The following CASZ1 variants were observed in gnomAD, a reference collection of about 807,000 sequenced individuals.
CASZ1 encodes zinc finger protein castor homolog 1.
Under a neutral mutation model 135.2 loss-of-function variants are expected in CASZ1, and 28 were observed. That is an observed-to-expected ratio of 0.21 (90% confidence interval 0.15 to 0.28). The LOEUF is 0.28. Ranked by LOEUF, CASZ1 falls within the 10% of genes least tolerant of loss-of-function variation. The probability of loss-of-function intolerance (pLI) is 1.00; values close to 1 mark genes in which losing one functional copy is unlikely to be tolerated. For missense variants in CASZ1, 2,161 were observed against 2,453.3 expected, an observed-to-expected ratio of 0.88 and a Z score of 2.52; for synonymous variants, 1,068 against 1,073.4, an observed-to-expected ratio of 0.99 and a Z score of 0.10.
intron 4 of CASZ1, among the ~76,000 whole-genome samples, chr1:10,672,715 A>G (rs1202698921): frequency 6.6e-6 from 1 of 152,148 alleles, no homozygotes; most frequent in Non-Finnish European, 1.5e-5. Flanking sequence ...TTGTCCCTCA[A>G]TAGAGGTCGG....
rs1368984766 is a variant in CASZ1 at position 10,646,234 on chromosome 1, C to T, written c.3590G>A (p.Gly1197Asp). ...GTCCAGGCAGTGGGATTCGGCCTTG[C>T]CAGACGTTTTGCAGACGTACTTGCA... ...GNCKYVCKTS[G>D]KAESHCLDHI... The change falls in exon 17 of 21, where the codon GGC (glycine) becomes GAC (aspartate). Residue 1197 changes from glycine (G) to aspartate (D), a missense_variant. Gly to Asp is a moderately conservative substitution (Grantham distance 94). This residue lies in a region of CASZ1 where 349 missense variants were observed against 460.8 expected (regional missense o/e 0.76). Coordinates refer to ENST00000377022, the MANE Select transcript of CASZ1 (RefSeq NM_001079843.3). The surrounding 1 kb of genome is among the most constrained non-coding windows in gnomAD (Gnocchi z 6.4). 1 of 1,614,132 alleles carries T rather than the reference C, an allele frequency of 6.2e-7. No homozygotes were observed. The highest frequency in any genetic ancestry group is 1.7e-5 in the Admixed American group (1 of 60,020).
intron 13 of CASZ1, 97 bp from the exon 14 acceptor site, chr1:10,649,534 C>A: frequency 7.4e-7 from 1 of 1,360,220 alleles, no homozygotes; most frequent in Non-Finnish European, 9.9e-7. Flanking sequence ...CTGCTGGGAC[C>A]CACCCAGCCC....
chr1:10,673,078 G>C (rs1025423859), intron 4 of CASZ1, among the ~76,000 whole-genome samples: 1 of 152,176 alleles, frequency 6.6e-6, no homozygotes, highest in Non-Finnish European at 1.5e-5. Flanking sequence ...AAGCTCCGAG[G>C]GGGGCGGGAG....
chr1:10,744,161 C>G (rs952996073), intron 2 of CASZ1, among the ~76,000 whole-genome samples: 1 of 152,042 alleles, frequency 6.6e-6, no homozygotes, highest in Non-Finnish European at 1.5e-5. Context: ...CCTCCCCACC[C>G]GTAAAAACAG....
At chr1:10,682,424 G>A (rs1325966836) in intron 4 of CASZ1, among the ~76,000 whole-genome samples, 1 of 152,160 alleles carries the variant, frequency 6.6e-6, no homozygotes, top group Non-Finnish European at 1.5e-5. Flanking sequence ...CTGGGGGCCC[G>A]GCGGAATCCG....
chr1:10,789,505 G>A (rs969233239), intron 1 of CASZ1, among the ~76,000 whole-genome samples: 1 of 151,580 alleles, frequency 6.6e-6, no homozygotes, highest in Admixed American at 6.6e-5. Flanking sequence ...AATGAGTTCC[G>A]AAGGAGCGAC....
At chr1:10,715,436 C>T (rs115341539) in intron 2 of CASZ1, among the ~76,000 whole-genome samples, 1,566 of 151,954 alleles carry the variant, frequency 0.01, 27 homozygotes, top group African/African-American at 0.036. Context: ...TGGGAGCAGC[C>T]GGGCAGAGAG....
chr1:10,736,225 G>A (rs139626479), intron 2 of CASZ1, among the ~76,000 whole-genome samples: 155 of 152,284 alleles, frequency 1.0e-3, no homozygotes, highest in Non-Finnish European at 2.0e-3. Flanking sequence ...ACTGATGGAC[G>A]CTTCAGAATC....
chr1:10,782,755 T>C (rs944100928), intron 1 of CASZ1, among the ~76,000 whole-genome samples: 1 of 146,164 alleles, frequency 6.8e-6, no homozygotes, highest in African/African-American at 2.5e-5. Flanking sequence ...GGAGTGGGCC[T>C]GGTCACCTGG....
At position 10,694,881 on chromosome 1, in the gene CASZ1, T is replaced by C. The variant is rs1323749709; in HGVS notation, c.-23-969A>G. Among the ~76,000 whole-genome samples, 2 of 142,228 alleles carry C rather than the reference T, an allele frequency of 1.4e-5. No individual in the cohort carries two copies. Among genetic ancestry groups the C allele is most frequent in the East Asian group, 2.1e-4 (1 of 4,684 alleles). 93.3% of individuals were successfully genotyped at this position (142,228 alleles called of 152,430 possible). Reference sequence around the variant, plus strand: ...GCGCCCGCGGGCACGCGCCCACTCTTGCCGGCCGCCGGCGGCCGCGCGCGC... The same window carrying C: ...GCGCCCGCGGGCACGCGCCCACTCTCGCCGGCCGCCGGCGGCCGCGCGCGC... On this transcript the variant is annotated intron_variant, in intron 3 of 20. Coordinates refer to ENST00000377022, the MANE Select transcript of CASZ1 (RefSeq NM_001079843.3). This position sits in a 1 kb window ranked among gnomAD's most constrained non-coding sequence, Gnocchi z 6.6.
At chr1:10,671,221 G>A (rs1218857031) in intron 4 of CASZ1, among the ~76,000 whole-genome samples, 1 of 152,202 alleles carries the variant, frequency 6.6e-6, no homozygotes, top group African/African-American at 2.4e-5. Context: ...ATCTCCCCCA[G>A]GTCACAGCCA....
At chr1:10,773,489 C>T (rs1640610176) in intron 1 of CASZ1, among the ~76,000 whole-genome samples, 1 of 151,984 alleles carries the variant, frequency 6.6e-6, no homozygotes, top group Non-Finnish European at 1.5e-5. Flanking sequence ...AGGTGCAGGA[C>T]AGTGGGACCC....
At chr1:10,684,568 C>A (rs61776329) in intron 4 of CASZ1, among the ~76,000 whole-genome samples, 1 of 152,202 alleles carries the variant, frequency 6.6e-6, no homozygotes, top group Admixed American at 6.5e-5. Context: ...CATCCTCCTG[C>A]CTCCAAACAG....
intron 4 of CASZ1, among the ~76,000 whole-genome samples, chr1:10,690,962 G>A (rs989712030): frequency 1.3e-5 from 2 of 152,206 alleles, no homozygotes; most frequent in East Asian, 3.9e-4. Context: ...CTGCAGGATG[G>A]ATGTACCTGT....
intron 1 of CASZ1, among the ~76,000 whole-genome samples, chr1:10,783,625 C>G (rs986585146): frequency 6.6e-6 from 1 of 152,022 alleles, no homozygotes; most frequent in African/African-American, 2.4e-5. Flanking sequence ...GTAATCCCAG[C>G]GCTTTGGGAG....
At chr1:10,775,099 T>G (rs117464058) in intron 1 of CASZ1, among the ~76,000 whole-genome samples, 2 of 151,898 alleles carry the variant, frequency 1.3e-5, no homozygotes, top group East Asian at 3.9e-4. Flanking sequence ...CAGAAAACCC[T>G]GGGCAATACA....
chr1:10,645,149 C>T (rs1642328620), intron 17 of CASZ1, 61 bp from the exon 18 acceptor site: 1 of 1,512,252 alleles, frequency 6.6e-7, no homozygotes, highest in Admixed American at 1.7e-5. Flanking sequence ...CCTGCCTGCC[C>T]CGGGCCTGAG....
intron 1 of CASZ1, among the ~76,000 whole-genome samples, chr1:10,764,771 C>T (rs1640441975): frequency 6.6e-6 from 1 of 152,204 alleles, no homozygotes; most frequent in Admixed American, 6.5e-5. Flanking sequence ...CCAGAGCCAC[C>T]AGGCAGTGCT....
At position 10,653,491 on chromosome 1, in the gene CASZ1, G is replaced by C; in HGVS notation, c.2566C>G (p.Pro856Ala). The C allele has an allele frequency of 6.2e-7, 1 of 1,611,870 alleles. No homozygotes were observed. Among genetic ancestry groups the C allele is most frequent in the African/African-American group, 1.3e-5 (1 of 75,044 alleles). ...TCCATGATGGAGGCGGGTGGTGCCG[G>C]GACAGAGGCGGCAGCCACGGGGGCT... ...DSAPVAAASVPAPPASIMERI... is the reference protein window; with the variant it reads ...DSAPVAAASVAAPPASIMERI... Residue 856 changes from proline (P) to alanine (A), a missense_variant, in exon 11 of 21, where the codon CCG becomes GCG. By Grantham distance (27) the Pro-to-Ala change is conservative (BLOSUM62 -1). Coordinates refer to ENST00000377022, the MANE Select transcript of CASZ1 (RefSeq NM_001079843.3).
Sources: gnomAD v4.1 joint callset for allele counts (sites outside exome capture counted in the v4.1 genomes callset) on GRCh38, gnomAD v4.1.1 for gene constraint, gnomAD v4.1.1 regional missense constraint, Gnocchi (gnomAD v3.1) non-coding constraint, MANE v1.5 for transcripts, NCBI Gene and HGNC (gene_info 2026-07-23, HGNC 2026-07-21) for gene names.